Variants in HECW1 observed in about 807,000 individuals in gnomAD.
The protein encoded by HECW1 is E3 ubiquitin-protein ligase HECW1.
HECW1 carries 61 observed loss-of-function variants against 182.3 expected under a neutral mutation model. The ratio of observed to expected loss-of-function variants is 0.33; its 90% CI spans 0.27 to 0.41. The LOEUF is 0.41. HECW1 is among the 10% of genes least tolerant of loss of function. The pLI, the probability that HECW1 is intolerant of heterozygous loss-of-function variation, is 1.00. For missense variants in HECW1, 1,739 were observed against 2,108.9 expected (o/e 0.82, Z 3.44); for synonymous variants, 859 against 832.6 (o/e 1.03, Z -0.55).
At chr7:43,206,732 C>T (rs1385280984) in intron 2 of HECW1, among the ~76,000 whole-genome samples, 2 of 152,150 alleles carry the variant, frequency 1.3e-5, no homozygotes, top group African/African-American at 2.4e-5. Context: ...TTTTTACACT[C>T]GGTTCATATT....
intron 3 of HECW1, among the ~76,000 whole-genome samples, chr7:43,262,446 T>C (rs945431344): frequency 3.9e-5 from 6 of 152,138 alleles, no homozygotes; most frequent in African/African-American, 1.4e-4. Flanking sequence ...GCTGCAGGGA[T>C]AAGTCCTGGG....
At chr7:43,451,024 C>G (rs115864090) in intron 12 of HECW1, 95 bp downstream of exon 12, 2 of 836,408 alleles carry the variant, frequency 2.4e-6, no homozygotes, top group African/African-American at 1.7e-5. Flanking sequence ...AAGTCTTTCC[C>G]GACTCCGTGC....
chr7:43,205,361 T>G (rs73690267), intron 2 of HECW1, among the ~76,000 whole-genome samples: 4,253 of 152,260 alleles, frequency 0.028, 207 homozygotes, highest in African/African-American at 0.098. Context: ...AATAAATTCT[T>G]TCGGCAGCAT....
At chr7:43,218,808 C>T (rs1796676314) in intron 2 of HECW1, among the ~76,000 whole-genome samples, 1 of 152,108 alleles carries the variant, frequency 6.6e-6, no homozygotes, top group African/African-American at 2.4e-5. Flanking sequence ...AACATGAGGG[C>T]TCTTGTCTCA....
chr7:43,282,333 G>T (rs1562779674), intron 3 of HECW1, among the ~76,000 whole-genome samples: 3 of 152,220 alleles, frequency 2.0e-5, no homozygotes, highest in Non-Finnish European at 4.4e-5. Flanking sequence ...CTTTTTCGCT[G>T]ACTTCACTCA....
intron 16 of HECW1, among the ~76,000 whole-genome samples, chr7:43,475,145 G>T (rs1167036122): frequency 6.6e-6 from 1 of 152,058 alleles, no homozygotes; most frequent in Non-Finnish European, 1.5e-5. Flanking sequence ...CGTATATTTT[G>T]CCACAACAAC....
At chr7:43,180,458 C>T (rs1463977550) in intron 2 of HECW1, among the ~76,000 whole-genome samples, 1 of 151,874 alleles carries the variant, frequency 6.6e-6, no homozygotes, top group African/African-American at 2.4e-5. Flanking sequence ...TGCAGTGGTG[C>T]GATCTCGGCT....
intron 17 of HECW1, among the ~76,000 whole-genome samples, chr7:43,480,770 C>T (rs562998628): frequency 2.0e-5 from 3 of 151,498 alleles, no homozygotes; most frequent in South Asian, 4.2e-4. Flanking sequence ...TGAGTCATTC[C>T]AGGGAGAGCC....
At chr7:43,523,682 G>A (rs564162589) in intron 24 of HECW1, among the ~76,000 whole-genome samples, 1 of 152,256 alleles carries the variant, frequency 6.6e-6, no homozygotes, top group African/African-American at 2.4e-5. Context: ...TGAGATCGAG[G>A]GAAATAAATG....
intron 2 of HECW1, among the ~76,000 whole-genome samples, chr7:43,184,249 G>A (rs1340126766): frequency 6.6e-6 from 1 of 152,234 alleles, no homozygotes; most frequent in African/African-American, 2.4e-5. Flanking sequence ...TCCTGACCTC[G>A]TGATCCGCCC....
chr7:43,424,997 T>C (rs1428984011), intron 8 of HECW1, among the ~76,000 whole-genome samples: 1 of 152,134 alleles, frequency 6.6e-6, no homozygotes, highest in Non-Finnish European at 1.5e-5. Flanking sequence ...TGGGTATAAC[T>C]TAGTGTGTTT....
intron 1 of HECW1, chr7:43,113,678 G>C (rs868254590): frequency 6.0e-5 from 12 of 198,648 alleles, no homozygotes; most frequent in African/African-American, 2.1e-4. Flanking sequence ...GGGAGGGGGG[G>C]GGAATGCGTC....
intron 29 of HECW1, among the ~76,000 whole-genome samples, chr7:43,555,428 T>C (rs1391122289): frequency 6.6e-6 from 1 of 152,200 alleles, no homozygotes; most frequent in South Asian, 2.1e-4. Context: ...CTCTGGGTAG[T>C]GCATTCCTGA....
chr7:43,360,920 A>C lies in HECW1; in HGVS notation c.495A>C (p.Gly165=). The C allele has an allele frequency of 6.2e-7, 1 of 1,613,986 alleles. No individual in the cohort carries two copies. The highest frequency in any genetic ancestry group is 8.5e-7 in the Non-Finnish European group (1 of 1,179,954). ...ETKICFKYYH[G]VSGALRATTP... is the part of the protein sequence containing the mutation. Reference sequence around the variant, plus strand: ...AGATCTGCTTCAAATACTACCATGGAGTGAGTGGGGCCCTGCGAGCAACCA... The same window carrying C: ...AGATCTGCTTCAAATACTACCATGGCGTGAGTGGGGCCCTGCGAGCAACCA... The change falls in exon 6 of 30, where the codon GGA becomes GGC. Residue 165 remains glycine, a synonymous_variant. Transcript: ENST00000395891.
chr7:43,533,177 A>G (rs1235718473), intron 24 of HECW1, among the ~76,000 whole-genome samples: 1 of 152,002 alleles, frequency 6.6e-6, no homozygotes, highest in African/African-American at 2.4e-5. Flanking sequence ...TAAACATCCT[A>G]TAATACACCA....
intron 5 of HECW1, among the ~76,000 whole-genome samples, chr7:43,336,963 G>T (rs1424961745): frequency 6.6e-6 from 1 of 152,134 alleles, no homozygotes; most frequent in East Asian, 1.9e-4. Context: ...ACTTAGGTTG[G>T]TTCCATGACT....
rs111920038 is a variant in HECW1, at chr7:43,340,660, C to T, written c.460+19918C>T. Among the ~76,000 whole-genome samples the T allele has an allele frequency of 2.3e-4, 35 of 151,832 alleles. 1 individual carries two copies. The highest frequency in any genetic ancestry group is 8.3e-4 in the African/African-American group (34 of 41,142). On this transcript the variant is annotated intron_variant, in intron 5 of 29. Transcript: ENST00000395891. Reference sequence around the variant, plus strand: ...TGAATTTAGAATTGGCCCCCTGACACGTGAAGTAAGTATTTCCCCTAAATT... The same window carrying T: ...TGAATTTAGAATTGGCCCCCTGACATGTGAAGTAAGTATTTCCCCTAAATT...
chr7:43,366,762 T>G (rs1336368868), intron 6 of HECW1, among the ~76,000 whole-genome samples: 1 of 152,192 alleles, frequency 6.6e-6, no homozygotes, highest in Non-Finnish European at 1.5e-5. Context: ...TGTGTCCAGA[T>G]GAAGTCTCAA....
intron 3 of HECW1, among the ~76,000 whole-genome samples, chr7:43,309,456 A>T (rs999408360): frequency 1.3e-5 from 2 of 152,200 alleles, no homozygotes; most frequent in African/African-American, 4.8e-5. Context: ...TCACTGGCGT[A>T]ATTTGACAGT....
Sources: allele counts gnomAD v4.1 joint callset (sites outside exome capture counted in the v4.1 genomes callset), GRCh38; gene constraint gnomAD v4.1.1; transcripts MANE v1.5; gene names NCBI Gene and HGNC (gene_info 2026-07-23, HGNC 2026-07-21).